Variants in PITPNM2 observed in about 807,000 individuals in gnomAD.
PITPNM2 encodes the protein membrane-associated phosphatidylinositol transfer protein 2.
In PITPNM2, 35 loss-of-function variants were observed where a neutral mutation model predicts 132.2. That is an observed-to-expected ratio of 0.26 (90% CI 0.20 to 0.35). The LOEUF (loss-of-function observed/expected upper bound fraction) is 0.35, where lower values mean the gene tolerates loss of function less well. Ranked by LOEUF, PITPNM2 falls within the 10% of genes least tolerant of loss-of-function variation. PITPNM2 has a pLI of 1.00. For missense variants in PITPNM2, 1,332 were observed against 1,912.0 expected (o/e 0.70, Z 5.66); for synonymous variants, 738 against 799.2 (o/e 0.92, Z 1.29).
rs894742259 is a variant in PITPNM2, at chr12:122,988,875, G to A, written c.2732-3C>T. 2 of 1,555,428 alleles carry A rather than the reference G, an allele frequency of 1.3e-6. No homozygotes were observed. Among genetic ancestry groups the A allele is most frequent in the African/African-American group, 1.4e-5 (1 of 73,656 alleles). The stretch of plus-strand genomic sequence containing the variant: ...CTGGCCCCACCACTTTGCAGCGACT[G>A]CCAGGAGGGGCCGTGACTGGGCTGG... On this transcript the variant is annotated splice_polypyrimidine_tract_variant and splice_region_variant and intron_variant, in intron 18 of 25. Coordinates refer to ENST00000320201, the MANE Select transcript of PITPNM2 (RefSeq NM_020845.3).
At chr12:123,040,624 C>T (rs908727817) in intron 2 of PITPNM2, among the ~76,000 whole-genome samples, 11 of 152,066 alleles carry the variant, frequency 7.2e-5, no homozygotes, top group Admixed American at 5.9e-4. Context: ...ATACATTTGT[C>T]TGGTTAAATT....
chr12:123,010,210 GATC>G, intron 5 of PITPNM2, 133 bp from the exon 6 acceptor site: 1 of 715,722 alleles, frequency 1.4e-6, no homozygotes, highest in East Asian at 2.7e-5. Flanking sequence ...TGGGAGTGAG[GATC>G]ATGTTCTGGG....
intron 3 of PITPNM2, among the ~76,000 whole-genome samples, chr12:123,029,740 G>C (rs974549889): frequency 2.6e-5 from 4 of 152,066 alleles, no homozygotes; most frequent in Non-Finnish European, 4.4e-5. Context: ...GTCTGTGCAT[G>C]TGTCTGCATG....
rs1434795141 is a variant in PITPNM2 at position 122,985,178 on chromosome 12, TAAGAA to T, written c.*844_*848del. On this transcript the variant is annotated 3_prime_UTR_variant, in exon 26 of 26. Coordinates refer to ENST00000320201, the MANE Select transcript of PITPNM2 (RefSeq NM_020845.3). ...GGGCTGCTCTCAGTACTGAAAGAGT[TAAGAA>T]AAGGAAGCAGCCAAGGATTGCTCGT... 4 of 152,278 alleles carry T rather than the reference TAAGAA, an allele frequency of 2.6e-5. No individual in the cohort carries two copies. The highest frequency in any genetic ancestry group is 4.4e-5 in the Non-Finnish European group (3 of 67,996). The allele number at this position is 152,278 out of a possible 1,614,324, so 9.4% of individuals were successfully genotyped here. A position where few individuals can be genotyped will look rare whatever the true frequency, so the allele number is the denominator to read the frequency against.
intron 1 of PITPNM2, among the ~76,000 whole-genome samples, chr12:123,114,834 T>A (rs2042904730): frequency 6.6e-6 from 1 of 152,238 alleles, no homozygotes; most frequent in African/African-American, 2.4e-5. Flanking sequence ...AGTGTTTTGC[T>A]GCCGCTGTGA....
chr12:123,119,396 C>T (rs1350519651), intron 1 of PITPNM2, among the ~76,000 whole-genome samples: 2 of 139,772 alleles, frequency 1.4e-5, no homozygotes, highest in Admixed American at 7.5e-5. Flanking sequence ...CTTGCTCTGT[C>T]ACCCAGGCTG....
At chr12:123,017,901 G>A (rs1042899495) in intron 3 of PITPNM2, among the ~76,000 whole-genome samples, 1 of 152,006 alleles carries the variant, frequency 6.6e-6, no homozygotes, top group Non-Finnish European at 1.5e-5. Context: ...TGGGCGCAGG[G>A]CCCTCCCTCC....
intron 1 of PITPNM2, among the ~76,000 whole-genome samples, chr12:123,134,040 T>A (rs923619591): frequency 6.6e-6 from 1 of 152,060 alleles, no homozygotes; most frequent in African/African-American, 2.4e-5. Flanking sequence ...TTCAACAATA[T>A]AAGGAATATC....
intron 1 of PITPNM2, among the ~76,000 whole-genome samples, chr12:123,137,855 T>C (rs556329122): frequency 6.8e-6 from 1 of 147,348 alleles, no homozygotes; most frequent in East Asian, 2.0e-4. Flanking sequence ...ATCACACCAC[T>C]GTACTCCAGC....
chr12:123,128,626 G>A (rs969947030), intron 1 of PITPNM2, among the ~76,000 whole-genome samples: 4 of 150,520 alleles, frequency 2.7e-5, no homozygotes, highest in Admixed American at 6.6e-5. Context: ...AGTGGCACAC[G>A]TCTGTAATCC....
chr12:123,119,315 A>G (rs2042988867), intron 1 of PITPNM2, among the ~76,000 whole-genome samples: 1 of 151,544 alleles, frequency 6.6e-6, no homozygotes, highest in Admixed American at 6.6e-5. Context: ...AGGTAGCACA[A>G]CTAAAGGCTG....
intron 16 of PITPNM2, among the ~76,000 whole-genome samples, chr12:122,991,331 C>T (rs998528276): frequency 2.6e-5 from 4 of 152,310 alleles, no homozygotes; most frequent in East Asian, 1.9e-4. Context: ...CACACCTGGA[C>T]GGGGTACAGG....
intron 4 of PITPNM2, 123 bp from the exon 5 acceptor site, chr12:123,012,857 G>A: frequency 7.4e-7 from 1 of 1,343,086 alleles, no homozygotes; most frequent in Non-Finnish European, 1.0e-6. Flanking sequence ...GAGGGTGGAG[G>A]GTAGCCGAGA....
intron 2 of PITPNM2, among the ~76,000 whole-genome samples, chr12:123,104,836 G>GCATCCTCC (rs1490041066): frequency 4.6e-5 from 7 of 152,048 alleles, no homozygotes; most frequent in Non-Finnish European, 8.8e-5. Flanking sequence ...CAATCACCCA[G>GCATCCTCC]CTTCCTCCCT....
intron 2 of PITPNM2, among the ~76,000 whole-genome samples, chr12:123,079,954 C>T (rs537374111): frequency 1.5e-4 from 23 of 152,214 alleles, no homozygotes; most frequent in Non-Finnish European, 3.2e-4. Flanking sequence ...CTGTCAACAA[C>T]CAATCTACTC....
At chr12:123,042,535 T>TA (rs1289515722) in intron 2 of PITPNM2, among the ~76,000 whole-genome samples, 1 of 152,206 alleles carries the variant, frequency 6.6e-6, no homozygotes, top group African/African-American at 2.4e-5. Flanking sequence ...TTCTGGTTAC[T>TA]AAGTCTGGAA....
At chr12:123,107,553 C>T (rs1161494886) in intron 2 of PITPNM2, among the ~76,000 whole-genome samples, 3 of 152,192 alleles carry the variant, frequency 2.0e-5, no homozygotes, top group Non-Finnish European at 4.4e-5. Flanking sequence ...TGAGCCCTTT[C>T]CTTCCTCAGT....
chr12:123,114,180 T>C (rs1320392936), intron 1 of PITPNM2, among the ~76,000 whole-genome samples: 1 of 152,210 alleles, frequency 6.6e-6, no homozygotes, highest in Admixed American at 6.5e-5. Flanking sequence ...TGTGTGAACA[T>C]TTATTTTCAA....
intron 2 of PITPNM2, chr12:123,087,993 CA>C (rs1453356289): frequency 2.0e-5 from 3 of 152,248 alleles, no homozygotes; most frequent in Non-Finnish European, 4.4e-5. Flanking sequence ...AATAAAAACA[CA>C]AATGAGATTA....
Sources: allele counts gnomAD v4.1 joint callset (sites outside exome capture counted in the v4.1 genomes callset), GRCh38; gene constraint gnomAD v4.1.1; transcripts MANE v1.5; gene names NCBI Gene and HGNC (gene_info 2026-07-23, HGNC 2026-07-21).